The following IGBP1 variants were observed in gnomAD, a reference collection of about 807,000 sequenced individuals.
IGBP1 encodes immunoglobulin-binding protein 1.
In IGBP1, 2 loss-of-function variants were observed where a neutral mutation model predicts 25.9. That is an observed-to-expected ratio of 0.08 (90% CI 0.03 to 0.24). IGBP1 has a LOEUF of 0.24. Among genes scored for constraint, IGBP1 ranks in the 10% least tolerant of loss-of-function variants. The probability of loss-of-function intolerance (pLI) is 1.00; values close to 1 mark genes in which losing one functional copy is unlikely to be tolerated. For missense variants in IGBP1, 187 were observed against 260.4 expected, an observed-to-expected ratio of 0.72 and a Z score of 1.94; for synonymous variants, 96 against 93.4, an observed-to-expected ratio of 1.03 and a Z score of -0.16.
intron 6 of IGBP1, among the ~76,000 whole-genome samples, chrX:70,155,392 G>C: frequency 9.2e-6 from 1 of 108,187 alleles, no homozygotes; most frequent in Non-Finnish European, 1.9e-5. Context: ...CTACTCAGGA[G>C]GCTGAGGCAG....
intron 6 of IGBP1, among the ~76,000 whole-genome samples, chrX:70,154,738 T>TAAAAAAAAAAAAAAAA (rs2085228211): frequency 4.4e-5 from 1 of 22,628 alleles, no homozygotes; most frequent in African/African-American, 1.4e-4. Flanking sequence ...AAAAAAAAAG[T>TAAAAAAAAAAAAAAAA]TTTAAAAAAC....
chrX:70,146,242 AG>A (rs2085165713), intron 3 of IGBP1, among the ~76,000 whole-genome samples: 1 of 51,800 alleles, frequency 1.9e-5, no homozygotes, highest in South Asian at 9.1e-4. Flanking sequence ...ATGACCCCTA[AG>A]ATTCTATGAT....
chrX:70,153,100 G>T (rs1003095864), intron 6 of IGBP1, among the ~76,000 whole-genome samples: 2 of 112,197 alleles, frequency 1.8e-5, no homozygotes, highest in Admixed American at 1.9e-4. Flanking sequence ...GGAGAACAAG[G>T]ATATACATTA....
chrX:70,152,976 A>G (rs1233274855), intron 6 of IGBP1, among the ~76,000 whole-genome samples: 1 of 112,291 alleles, frequency 8.9e-6, no homozygotes, highest in African/African-American at 3.2e-5. Flanking sequence ...GCAAACCCCA[A>G]CAGTTTAAAT....
At chrX:70,149,134 A>G (rs2085186227) in intron 5 of IGBP1, among the ~76,000 whole-genome samples, 1 of 110,964 alleles carries the variant, frequency 9.0e-6, no homozygotes, top group Non-Finnish European at 1.9e-5. Flanking sequence ...AGGCTGAGGC[A>G]GGAGAATCAC....
chrX:70,144,597 A>G (rs763989796), intron 3 of IGBP1, among the ~76,000 whole-genome samples: 1 of 108,586 alleles, frequency 9.2e-6, no homozygotes, highest in Admixed American at 9.9e-5. Context: ...GGTAAAAGGA[A>G]CAGAAGAGCC....
chrX:70,165,868 C>G lies in IGBP1; in HGVS notation c.907C>G (p.Gln303Glu), dbSNP rs373848849. Residue 303 changes from glutamine (Q) to glutamate (E), a missense_variant, in exon 7 of 7, where the codon CAA (glutamine) becomes GAA (glutamate). Transcript: ENST00000356413. ...AAAAGCAGCTCAGCAACAGGAAGAACAAGAAGAAAAGGAGGAAGAGGATGA... is the reference window on the plus strand; with the variant it reads ...AAAAGCAGCTCAGCAACAGGAAGAAGAAGAAGAAAAGGAGGAAGAGGATGA... ...FRKAAQQQEE[Q>E]EEKEEEDDEQ... is the part of the protein sequence containing the mutation. 1.9e-5 allele frequency: 23 copies of G among 1,206,451 alleles called. No homozygotes were observed. In the African/African-American group the frequency reaches 3.0e-4, roughly 16 times the overall value.
At chrX:70,135,494 T>C (rs2085089772) in intron 3 of IGBP1, among the ~76,000 whole-genome samples, 1 of 110,956 alleles carries the variant, frequency 9.0e-6, no homozygotes, top group East Asian at 2.8e-4. Context: ...CACAAGGTAC[T>C]ATGAGAGCAG....
intron 6 of IGBP1, among the ~76,000 whole-genome samples, chrX:70,151,017 A>G (rs1342734808): frequency 2.7e-5 from 3 of 109,631 alleles, no homozygotes; most frequent in Non-Finnish European, 5.7e-5. Flanking sequence ...CTGGAGTGCA[A>G]TGGCGCGATC....
intron 3 of IGBP1, among the ~76,000 whole-genome samples, chrX:70,144,341 C>T (rs2085151680): frequency 9.0e-6 from 1 of 111,660 alleles, no homozygotes; most frequent in South Asian, 3.7e-4. Flanking sequence ...CTAGACTAAC[C>T]CTGAATTTAC....
intron 3 of IGBP1, among the ~76,000 whole-genome samples, chrX:70,135,502 C>T (rs1336684191): frequency 9.0e-6 from 1 of 111,215 alleles, no homozygotes; most frequent in Non-Finnish European, 1.9e-5. Context: ...ACTATGAGAG[C>T]AGACAGGAAG....
chrX:70,164,773 T>C (rs139027373), intron 6 of IGBP1, among the ~76,000 whole-genome samples: 1,372 of 112,195 alleles, frequency 0.012, 16 homozygotes, highest in African/African-American at 0.042. Context: ...GTTTCCACCA[T>C]GTTTTATTTT....
rs777347193 is a variant in IGBP1 at position 70,146,589 on chromosome X, C to T, written c.483-44C>T. 1.6e-5 allele frequency: 17 copies of T among 1,084,129 alleles called. No homozygotes were observed. The Admixed American group carries it at 3.3e-4, about 21-fold the overall frequency. 89.3% of individuals were successfully genotyped at this position (1,084,129 alleles called of 1,213,427 possible). A position where few individuals can be genotyped will look rare whatever the true frequency, so the allele number is the denominator to read the frequency against. ...TTGAGGCCTTCTTTTGAAGGAATAC[C>T]TCTTCATTTGTAAGTTCATGGGTAA... On this transcript the variant is annotated intron_variant, in intron 3 of 6. Transcript: ENST00000356413.
intron 3 of IGBP1, among the ~76,000 whole-genome samples, chrX:70,143,043 C>T (rs1010581680): frequency 1.8e-5 from 2 of 108,116 alleles, no homozygotes; most frequent in Non-Finnish European, 3.8e-5. Flanking sequence ...CCTGCCTCAG[C>T]CTCCGAGTAG....
intron 6 of IGBP1, chrX:70,165,153 T>C (rs1319029045): frequency 3.6e-5 from 4 of 111,924 alleles, no homozygotes; most frequent in Non-Finnish European, 7.5e-5. Flanking sequence ...AAAGTCAGAG[T>C]AGCCAGGAAA....
intron 4 of IGBP1, among the ~76,000 whole-genome samples, chrX:70,147,733 C>T (rs190613712): frequency 8.9e-6 from 1 of 111,963 alleles, no homozygotes; most frequent in Non-Finnish European, 1.9e-5. Context: ...TGTTTTGGAG[C>T]TGCTGCTTCA....
At chrX:70,154,835 T>C (rs957003935) in intron 6 of IGBP1, among the ~76,000 whole-genome samples, 4 of 108,363 alleles carry the variant, frequency 3.7e-5, no homozygotes, top group Non-Finnish European at 7.6e-5. Context: ...AGGTCGAGGC[T>C]GCAGTGAGCT....
intron 3 of IGBP1, among the ~76,000 whole-genome samples, chrX:70,144,700 G>T (rs765402739): frequency 1.1e-3 from 86 of 75,005 alleles, no homozygotes; most frequent in African/African-American, 4.6e-3. Flanking sequence ...TCACTCTGTT[G>T]CCAGGCTGGA....
Position 70,134,506 on chromosome X carries a change from C to T in IGBP1, c.189-17C>T, listed in dbSNP as rs1345684595. The T allele has an allele frequency of 5.8e-6, 7 of 1,206,148 alleles. No homozygotes were observed. The East Asian group carries it at 1.8e-4, about 31-fold the overall frequency. ...AATGCCTAGTCAGGCTTCACTGCCT[C>T]CTTTTTGCTCTTCCAGCCGAAATGA... On this transcript the variant is annotated splice_polypyrimidine_tract_variant and intron_variant, in intron 2 of 6. Transcript: ENST00000356413.
Sources: allele counts gnomAD v4.1 joint callset (sites outside exome capture counted in the v4.1 genomes callset), GRCh38; gene constraint gnomAD v4.1.1; transcripts MANE v1.5; gene names NCBI Gene and HGNC (gene_info 2026-07-23, HGNC 2026-07-21).